MRTFB: variants seen among roughly 807,000 people sequenced by gnomAD.
The protein encoded by MRTFB is myocardin related transcription factor B, also known as myocardin-related transcription factor B.
Under a neutral mutation model 104.2 loss-of-function variants are expected in MRTFB, and 29 were observed. That is an observed-to-expected ratio of 0.28 (90% confidence interval 0.21 to 0.38). MRTFB has a LOEUF of 0.38. Among genes scored for constraint, MRTFB ranks in the 10% least tolerant of loss-of-function variants. MRTFB has a pLI of 1.00. For synonymous variants in MRTFB, 535 were observed against 519.5 expected (o/e 1.03, Z -0.41); for missense variants, 1,270 against 1,341.6 (o/e 0.95, Z 0.83).
chr16:14,023,084 C>T, the MRTFB span, among the ~76,000 whole-genome samples: 2 of 152,060 alleles, frequency 1.3e-5, no homozygotes, highest in South Asian at 4.2e-4. Context: ...TCCCCTCTGC[C>T]ACCCTCAGTA....
chr16:14,007,760 C>A, the MRTFB span, among the ~76,000 whole-genome samples: 2 of 152,214 alleles, frequency 1.3e-5, no homozygotes, highest in Non-Finnish European at 2.9e-5. Context: ...TATAGCCACC[C>A]TAGTGGGTGT....
At chr16:14,064,951 G>C in the MRTFB span, among the ~76,000 whole-genome samples, 2 of 152,052 alleles carry the variant, frequency 1.3e-5, no homozygotes, top group Non-Finnish European at 2.9e-5. Flanking sequence ...GTTCTTTTTT[G>C]GTTCCGTGTG....
At chr16:14,017,685 G>GTATATA in the MRTFB span, among the ~76,000 whole-genome samples, 1 of 9,584 alleles carries the variant, frequency 1.0e-4, no homozygotes, top group Non-Finnish European at 4.4e-4. Flanking sequence ...GTGTGTGTGT[G>GTATATA]TGTATATATA....
At chr16:14,245,336 A>C (rs1352084481) in intron 10 of MRTFB, among the ~76,000 whole-genome samples, 192 bp from the exon 11 acceptor site, 23 of 152,162 alleles carry the variant, frequency 1.5e-4, no homozygotes, top group Admixed American at 1.5e-3. Flanking sequence ...AATTTCCGTC[A>C]CGCTAGCAAA....
In MRTFB at chr16:14,121,994, C is replaced by T. The variant is rs2036867557; in HGVS notation, c.-63-18550C>T. Among the ~76,000 whole-genome samples, 5 of 152,172 alleles carry T rather than the reference C, an allele frequency of 3.3e-5. No individual in the cohort carries two copies. In the South Asian group the frequency reaches 1.0e-3, roughly 32 times the overall value. On this transcript the variant is annotated intron_variant, in intron 2 of 16. Transcript: ENST00000571589. ...TGTGTACATTCTCTGTCACTCTCTA[C>T]CAGCCTCCTGACTTTCTTCTCTCTT...
At chr16:14,153,971 G>A (rs2142821892) in intron 3 of MRTFB, among the ~76,000 whole-genome samples, 1 of 152,236 alleles carries the variant, frequency 6.6e-6, no homozygotes, top group Middle Eastern at 3.4e-3. Flanking sequence ...AGTATCATGT[G>A]CTTACAACTA....
At chr16:14,039,798 G>A in the MRTFB span, among the ~76,000 whole-genome samples, 6 of 144,994 alleles carry the variant, frequency 4.1e-5, no homozygotes, top group African/African-American at 1.5e-4. Context: ...GCCCAGGCTG[G>A]AGTGCAATGA....
intron 3 of MRTFB, among the ~76,000 whole-genome samples, chr16:14,207,095 C>T (rs1291123210): frequency 6.6e-6 from 1 of 152,160 alleles, no homozygotes; most frequent in Non-Finnish European, 1.5e-5. Context: ...CATGCAGTAC[C>T]CAGACACCTA....
Position 14,262,996 on chromosome 16 carries a change from T to G in MRTFB, c.*1552T>G, listed in dbSNP as rs2043826196. 1 of 152,646 alleles carries G rather than the reference T, an allele frequency of 6.6e-6. No homozygotes were observed. The highest frequency in any genetic ancestry group is 6.5e-5 in the Admixed American group (1 of 15,284). The allele number at this position is 152,646 out of a possible 1,614,324, so 9.5% of individuals were successfully genotyped here. On this transcript the variant is annotated 3_prime_UTR_variant, in exon 17 of 17. Coordinates refer to ENST00000571589, the MANE Select transcript of MRTFB (RefSeq NM_001308142.2). The stretch of plus-strand genomic sequence containing the variant: ...GTGAATTATTTCTGGGTTTGTGTTT[T>G]GCCTAAGAGCTGATCTTATTTCTGA...
chr16:14,009,147 G>T, the MRTFB span: 1 of 151,940 alleles, frequency 6.6e-6, no homozygotes, highest in African/African-American at 2.4e-5. Context: ...ATAGAGTCTT[G>T]CCGTGTTGCT....
At chr16:14,123,687 G>A (rs2036965457) in intron 2 of MRTFB, among the ~76,000 whole-genome samples, 1 of 152,168 alleles carries the variant, frequency 6.6e-6, no homozygotes. Flanking sequence ...CATATAGTTT[G>A]AAGTCAGGTA....
chr16:14,011,744 C>T, the MRTFB span, among the ~76,000 whole-genome samples: 14 of 152,138 alleles, frequency 9.2e-5, no homozygotes, highest in East Asian at 3.9e-4. Flanking sequence ...TGGTGGTGGG[C>T]GCCTGTAATC....
At chr16:14,068,575 T>C (rs2141735405), upstream of MRTFB, among the ~76,000 whole-genome samples, 2 of 152,198 alleles carry the variant, frequency 1.3e-5, no homozygotes, top group Admixed American at 1.3e-4. Flanking sequence ...TTGTGTGTCG[T>C]TGCGTGTTGT....
the MRTFB span, among the ~76,000 whole-genome samples, chr16:14,047,765 C>T: frequency 1.3e-5 from 2 of 152,240 alleles, no homozygotes; most frequent in South Asian, 2.1e-4. Context: ...CCCACTGGGT[C>T]CCTCCCACAA....
intron 3 of MRTFB, among the ~76,000 whole-genome samples, chr16:14,176,298 A>C (rs2039581246): frequency 6.6e-6 from 1 of 152,262 alleles, no homozygotes; most frequent in South Asian, 2.1e-4. Flanking sequence ...TAGGAATAAG[A>C]TAAATGAGAT....
At chr16:14,233,781 CAAAAAAAAAAA>C (rs1007606658) in intron 8 of MRTFB, among the ~76,000 whole-genome samples, 2 of 50,002 alleles carry the variant, frequency 4.0e-5, no homozygotes, top group South Asian at 8.2e-4. Context: ...GACTCCCTCT[CAAAAAAAAAAA>C]AAAAAAAAAA....
chr16:14,023,045 A>G, the MRTFB span, among the ~76,000 whole-genome samples: 6 of 151,794 alleles, frequency 4.0e-5, no homozygotes, highest in East Asian at 1.9e-4. Flanking sequence ...TTAATTTTAT[A>G]TTTTTATTTG....
At chr16:14,252,242 A>G in intron 14 of MRTFB, 123 bp from the exon 15 acceptor site, 1 of 1,456,034 alleles carries the variant, frequency 6.9e-7, no homozygotes, top group Non-Finnish European at 9.2e-7. Flanking sequence ...AGGTGCTTAA[A>G]AGAACCTGCT....
chr16:14,200,566 G>A, intron 3 of MRTFB: 4 of 1,604,892 alleles, frequency 2.5e-6, no homozygotes, highest in Non-Finnish European at 3.4e-6. Flanking sequence ...CAATTATCTT[G>A]TTGTCATGTG....
Sources: gnomAD v4.1 joint callset for allele counts (sites outside exome capture counted in the v4.1 genomes callset) on GRCh38, gnomAD v4.1.1 for gene constraint, MANE v1.5 for transcripts, NCBI Gene and HGNC (gene_info 2026-07-23, HGNC 2026-07-21) for gene names.